Variants in PNPLA7 observed in about 807,000 individuals in gnomAD.
PNPLA7 encodes patatin like domain 7, lysophospholipase.
Under a neutral mutation model 161.7 loss-of-function variants are expected in PNPLA7, and 153 were observed. The observed-to-expected ratio is 0.95, with a 90% CI of 0.83 to 1.08. The LOEUF is 1.08. Ranked by LOEUF, PNPLA7 falls within the 50% of genes least tolerant of loss-of-function variation. PNPLA7 has a pLI of 0.00. For synonymous variants in PNPLA7, 809 were observed against 782.1 expected (o/e 1.03, Z -0.57); for missense variants, 1,739 against 1,856.6 (o/e 0.94, Z 1.16).
intron 13 of PNPLA7, 38 bp from the exon 14 acceptor site, chr9:137,505,798 G>A: frequency 1.2e-6 from 2 of 1,610,828 alleles, no homozygotes; most frequent in Non-Finnish European, 1.7e-6. Context: ...TCGAAGGGAT[G>A]TGGTTGGGGA....
chr9:137,502,516 C>G (rs571798562), intron 14 of PNPLA7, among the ~76,000 whole-genome samples: 15 of 147,546 alleles, frequency 1.0e-4, no homozygotes, highest in African/African-American at 3.5e-4. Context: ...AGAATCTGAG[C>G]AGCCACATAT....
chr9:137,463,533 T>G lies in PNPLA7; in HGVS notation c.3227-2A>C. On this transcript the variant is annotated splice_acceptor_variant, in intron 28 of 34. Transcript: ENST00000406427. LOFTEE classifies it high-confidence loss of function. ...CACGCACGTACCACCACAGGGAGCC[T>G]GGGGAGGGGGCCCGGAGCTGCTGGT... The G allele has an allele frequency of 6.4e-7, 1 of 1,573,914 alleles. No homozygotes were observed. Among genetic ancestry groups the G allele is most frequent in the Non-Finnish European group, 8.6e-7 (1 of 1,159,328 alleles).
At chr9:137,546,717 C>A (rs1368330766) in intron 4 of PNPLA7, 113 bp downstream of exon 4, 6 of 912,080 alleles carry the variant, frequency 6.6e-6, no homozygotes, top group African/African-American at 1.6e-5. Context: ...GGGGAGAGGA[C>A]AGCACACACC....
chr9:137,479,719 G>C (rs975697683), intron 23 of PNPLA7: 2 of 985,438 alleles, frequency 2.0e-6, no homozygotes, highest in African/African-American at 3.5e-5. Context: ...ACACGAACAG[G>C]ACTGGGTGGC....
chr9:137,471,360 G>A (rs1831694232), intron 25 of PNPLA7, among the ~76,000 whole-genome samples: 1 of 152,068 alleles, frequency 6.6e-6, no homozygotes, highest in Admixed American at 6.5e-5. Flanking sequence ...TAGCACTTTG[G>A]GAGGCCAAGG....
At chr9:137,504,096 G>A (rs1008328297) in intron 14 of PNPLA7, among the ~76,000 whole-genome samples, 3 of 141,802 alleles carry the variant, frequency 2.1e-5, no homozygotes, top group Non-Finnish European at 3.1e-5. Flanking sequence ...GAAGAAGAAG[G>A]AAGAAGAAGA....
chr9:137,503,006 G>A (rs917885996), intron 14 of PNPLA7, among the ~76,000 whole-genome samples: 8 of 151,882 alleles, frequency 5.3e-5, no homozygotes, highest in African/African-American at 1.7e-4. Flanking sequence ...TACTGTGAGG[G>A]ATGCTAGGTA....
At chr9:137,503,895 G>A (rs1588625846) in intron 14 of PNPLA7, among the ~76,000 whole-genome samples, 2 of 114,950 alleles carry the variant, frequency 1.7e-5, no homozygotes. Context: ...GAAGGAAGAA[G>A]AAGAAGGAAG....
chr9:137,462,776 C>A lies in PNPLA7; in HGVS notation c.3401G>T (p.Arg1134Leu). 1 of 1,613,974 alleles carries A rather than the reference C, an allele frequency of 6.2e-7. No individual in the cohort carries two copies. The highest frequency in any genetic ancestry group is 1.1e-5 in the South Asian group (1 of 91,080). ...ATAGTTGGTGAGGTCCGTCTCATCT[C>A]GGCTGCCCACGTCAATGGCGATCAC... ...KVVIAIDVGSRDETDLTNYGD... is the reference protein window; with the variant it reads ...KVVIAIDVGSLDETDLTNYGD... Residue 1134 changes from arginine to leucine, a missense_variant, in exon 30 of 35, where the codon CGA (arginine) becomes CTA (leucine). Coordinates refer to ENST00000406427, the MANE Select transcript of PNPLA7 (RefSeq NM_001098537.3).
chr9:137,505,960 T>G (rs1588632188), intron 13 of PNPLA7, 23 bp downstream of exon 13: 1 of 1,592,190 alleles, frequency 6.3e-7, no homozygotes, highest in Non-Finnish European at 8.6e-7. Context: ...AGGCGGAGGG[T>G]GAGAATGACA....
Position 137,501,019 on chromosome 9 carries a change from C to T in PNPLA7, c.1552-123G>A, listed in dbSNP as rs531901528. 1.3e-5 allele frequency: 10 copies of T among 778,300 alleles called. No individual in the cohort carries two copies. The East Asian group carries it at 1.4e-4, about 11-fold the overall frequency. The allele number at this position is 778,300 out of a possible 1,614,324, so 48.2% of individuals were successfully genotyped here. On this transcript the variant is annotated intron_variant, in intron 15 of 34. Coordinates refer to ENST00000406427, the MANE Select transcript of PNPLA7 (RefSeq NM_001098537.3). The stretch of plus-strand genomic sequence containing the variant: ...GGAGACCATCCGCCGACCTGATCAG[C>T]TCTGGGCATGGACTTCACTGGAAAC...
In PNPLA7 at chr9:137,547,661, T is replaced by A. The variant is rs766556390; in HGVS notation, c.31-2A>T. ...GGCGGTGCCCAGGCAGAAGTCAGCC[T>A]GCAGCAGAGAGCATGGGGTCAGGTG... On this transcript the variant is annotated splice_acceptor_variant, in intron 1 of 34. Coordinates refer to ENST00000406427, the MANE Select transcript of PNPLA7 (RefSeq NM_001098537.3). LOFTEE classifies it high-confidence loss of function. The surrounding 1 kb of genome is among the most constrained non-coding windows in gnomAD (Gnocchi z 4.6). The A allele has an allele frequency of 6.8e-6, 11 of 1,612,766 alleles. No individual in the cohort carries two copies. In the African/African-American group the frequency reaches 1.5e-4, roughly 22 times the overall value.
chr9:137,520,105 T>A lies in PNPLA7; in HGVS notation c.958-62A>T. 1.3e-6 allele frequency: 2 copies of A among 1,597,882 alleles called. No individual in the cohort carries two copies. Among genetic ancestry groups the A allele is most frequent in the Non-Finnish European group, 1.7e-6 (2 of 1,174,568 alleles). On this transcript the variant is annotated intron_variant, in intron 10 of 34. Transcript: ENST00000406427. The surrounding 1 kb of genome is among the most constrained non-coding windows in gnomAD (Gnocchi z 5.2). ...AACACCCCACACCCACTGACAGGTG[T>A]GGGCTCCTCAAAGGTGTGACAGGTG...
Position 137,520,010 on chromosome 9 carries a change from T to C in PNPLA7, c.991A>G (p.Ser331Gly), listed in dbSNP as rs774225870. Residue 331 changes from serine to glycine, a missense_variant, in exon 11 of 35, where the codon AGT becomes GGT. Ser to Gly is a moderately conservative substitution (Grantham distance 56). Around this residue, in one of 6 missense-constraint regions of PNPLA7, gnomAD observed 152 missense variants for 193.5 expected, o/e 0.79. Transcript: ENST00000406427. This position sits in a 1 kb window ranked among gnomAD's most constrained non-coding sequence, Gnocchi z 5.2. ...SQAIPLVSVASVAAGKAKKQV... is the reference protein window; with the variant it reads ...SQAIPLVSVAGVAAGKAKKQV... ...TTCTTGGCCTTCCCGGCAGCCACAC[T>C]GGCTACAGACACGAGAGGGATGGCC... 2.3e-5 allele frequency: 37 copies of C among 1,612,732 alleles called. No homozygotes were observed. The highest frequency in any genetic ancestry group is 3.1e-5 in the Non-Finnish European group (36 of 1,179,916).
At chr9:137,488,700 A>G (rs1243464198) in intron 20 of PNPLA7, among the ~76,000 whole-genome samples, 1 of 151,852 alleles carries the variant, frequency 6.6e-6, no homozygotes, top group Non-Finnish European at 1.5e-5. Context: ...GGCACCAAGC[A>G]AGCACCAGCA....
rs950543336 is a variant in PNPLA7, at chr9:137,499,218, A to G, written c.1758-973T>C. On this transcript the variant is annotated intron_variant, in intron 16 of 34. Coordinates refer to ENST00000406427, the MANE Select transcript of PNPLA7 (RefSeq NM_001098537.3). The surrounding 1 kb of genome is among the most constrained non-coding windows in gnomAD (Gnocchi z 5.5). ...CAGGCAGACACACAGGCACACCGAG[A>G]CACACACAGACACACAGACACACAC... Among the ~76,000 whole-genome samples the G allele has an allele frequency of 1.9e-4, 28 of 151,282 alleles. No homozygotes were observed. Among genetic ancestry groups the G allele is most frequent in the African/African-American group, 6.3e-4 (26 of 41,124 alleles).
chr9:137,548,097 C>A (rs1312599550), intron 1 of PNPLA7, among the ~76,000 whole-genome samples: 1 of 152,184 alleles, frequency 6.6e-6, no homozygotes, highest in Non-Finnish European at 1.5e-5. Flanking sequence ...AACAAGGAGG[C>A]AGCGGCCGAG....
At chr9:137,497,597 G>A (rs1833133202) in intron 17 of PNPLA7, among the ~76,000 whole-genome samples, 1 of 152,182 alleles carries the variant, frequency 6.6e-6, no homozygotes, top group African/African-American at 2.4e-5. Context: ...GCACGACCTC[G>A]GCTCACTGCA....
intron 25 of PNPLA7, among the ~76,000 whole-genome samples, chr9:137,475,588 C>A (rs558919530): frequency 8.5e-5 from 13 of 152,120 alleles, no homozygotes; most frequent in Admixed American, 2.0e-4. Context: ...GTTAGCCAGG[C>A]TGCTCTCAAA....
Sources: gnomAD v4.1 joint callset for allele counts (sites outside exome capture counted in the v4.1 genomes callset) on GRCh38, gnomAD v4.1.1 for gene constraint, gnomAD v4.1.1 regional missense constraint, Gnocchi (gnomAD v3.1) non-coding constraint, MANE v1.5 for transcripts, NCBI Gene and HGNC (gene_info 2026-07-23, HGNC 2026-07-21) for gene names.